The following NR6A1 variants were observed in gnomAD, a reference collection of about 807,000 sequenced individuals.
The protein encoded by NR6A1 is retinoic acid receptor-related testis-associated receptor.
In NR6A1, 7 loss-of-function variants were observed where a neutral mutation model predicts 59.1. The observed-to-expected ratio is 0.12, with a 90% CI of 0.07 to 0.22. The LOEUF is 0.22. NR6A1 is among the 10% of genes least tolerant of loss of function. NR6A1 has a pLI of 1.00. For missense variants in NR6A1, 468 were observed against 611.6 expected (o/e 0.77, Z 2.48); for synonymous variants, 243 against 236.1 (o/e 1.03, Z -0.27).
intron 1 of NR6A1, among the ~76,000 whole-genome samples, chr9:124,766,926 A>T (rs553125986): frequency 6.6e-6 from 1 of 152,230 alleles, no homozygotes; most frequent in East Asian, 1.9e-4. Flanking sequence ...CTTCCCACTA[A>T]CACAAATGAA....
At chr9:124,698,607 A>G (rs1191436775) in intron 2 of NR6A1, 1 of 152,190 alleles carries the variant, frequency 6.6e-6, no homozygotes, top group Non-Finnish European at 1.5e-5. Flanking sequence ...CATGGAGTAG[A>G]TAATAAATGT....
intron 2 of NR6A1, among the ~76,000 whole-genome samples, chr9:124,729,744 T>C (rs528794382): frequency 5.9e-5 from 9 of 152,260 alleles, no homozygotes; most frequent in African/African-American, 1.7e-4. Flanking sequence ...TATCACTTGG[T>C]AGGGCTGAAC....
At chr9:124,643,764 A>C (rs1199540540) in intron 2 of NR6A1, among the ~76,000 whole-genome samples, 2 of 149,698 alleles carry the variant, frequency 1.3e-5, no homozygotes, top group African/African-American at 5.1e-5. Flanking sequence ...AAAAAACAAA[A>C]AAAAAAAAAA....
At chr9:124,741,608 A>G (rs181445844) in intron 1 of NR6A1, among the ~76,000 whole-genome samples, 1 of 152,258 alleles carries the variant, frequency 6.6e-6, no homozygotes, top group Non-Finnish European at 1.5e-5. Flanking sequence ...TATGCTACGT[A>G]TATTTTACCA....
intron 2 of NR6A1, among the ~76,000 whole-genome samples, chr9:124,602,367 C>T (rs1835472077): frequency 6.6e-6 from 1 of 152,204 alleles, no homozygotes; most frequent in African/African-American, 2.4e-5. Context: ...TTACCTTCTT[C>T]TCAAGACCCA....
intron 7 of NR6A1, among the ~76,000 whole-genome samples, chr9:124,532,592 TCAGAACTAA>T (rs1200223231): frequency 6.6e-6 from 1 of 152,226 alleles, no homozygotes; most frequent in African/African-American, 2.4e-5. Context: ...GGCCATGGAA[TCAGAACTAA>T]CATGTTGAAG....
At chr9:124,767,735 T>C (rs1017291456) in intron 1 of NR6A1, among the ~76,000 whole-genome samples, 5 of 152,212 alleles carry the variant, frequency 3.3e-5, no homozygotes, top group African/African-American at 9.6e-5. Context: ...GGCATGGTTA[T>C]AGCAGAAGAA....
At position 124,759,827 on chromosome 9, in the gene NR6A1, A is replaced by G. The variant is rs551038099; in HGVS notation, c.100+11193T>C. ...GAGGCCAAGGCGGGTGGATCATGAGATCAGGAGTTCGAGACCAGCCTGGCC... is the reference window on the plus strand; with the variant it reads ...GAGGCCAAGGCGGGTGGATCATGAGGTCAGGAGTTCGAGACCAGCCTGGCC... On this transcript the variant is annotated intron_variant, in intron 1 of 9. Coordinates refer to ENST00000487099, the MANE Select transcript of NR6A1 (RefSeq NM_033334.4). Among the ~76,000 whole-genome samples the G allele has an allele frequency of 6.0e-4, 91 of 152,154 alleles. 1 individual carries two copies. The South Asian group carries it at 0.018, about 31-fold the overall frequency.
At chr9:124,560,317 T>C (rs1834048230) in intron 2 of NR6A1, among the ~76,000 whole-genome samples, 1 of 152,208 alleles carries the variant, frequency 6.6e-6, no homozygotes, top group African/African-American at 2.4e-5. Flanking sequence ...CCATTTTATC[T>C]TTATATAATA....
intron 2 of NR6A1, among the ~76,000 whole-genome samples, chr9:124,638,041 A>G (rs964387069): frequency 3.5e-4 from 53 of 152,070 alleles, no homozygotes; most frequent in African/African-American, 1.3e-3. Flanking sequence ...TGAGTCCAGG[A>G]GTTCTGGACC....
chr9:124,703,413 A>G (rs979452550), intron 2 of NR6A1, among the ~76,000 whole-genome samples: 1 of 147,678 alleles, frequency 6.8e-6, no homozygotes, highest in African/African-American at 2.5e-5. Context: ...GCTCTATGTT[A>G]CCCAGGCTGG....
chr9:124,703,422 G>A (rs532195436), intron 2 of NR6A1, among the ~76,000 whole-genome samples: 1 of 150,698 alleles, frequency 6.6e-6, no homozygotes, highest in Non-Finnish European at 1.5e-5. Flanking sequence ...TACCCAGGCT[G>A]GTCTTGAACT....
chr9:124,671,044 A>G (rs116657920), intron 2 of NR6A1, among the ~76,000 whole-genome samples: 1,526 of 152,364 alleles, frequency 0.01, 25 homozygotes, highest in African/African-American at 0.034. Flanking sequence ...TTCTACTTAT[A>G]TAAGATATCT....
At position 124,598,977 on chromosome 9, in the gene NR6A1, C is replaced by T. The variant is rs561834198; in HGVS notation, c.143-44407G>A. ...TTACCCACGTTGGGTTTCAGCTCCA[C>T]CATTGGCGTGTAGTGGTTGGCACAA... On this transcript the variant is annotated intron_variant, in intron 2 of 9. Transcript: ENST00000487099. 8 of 726,938 alleles carry T rather than the reference C, an allele frequency of 1.1e-5. No individual in the cohort carries two copies. The East Asian group carries it at 2.0e-4, about 19-fold the overall frequency. The allele number at this position is 726,938 out of a possible 1,614,324, so 45.0% of individuals were successfully genotyped here.
At chr9:124,652,351 G>A (rs1432427135) in intron 2 of NR6A1, among the ~76,000 whole-genome samples, 4 of 152,284 alleles carry the variant, frequency 2.6e-5, no homozygotes, top group African/African-American at 9.6e-5. Flanking sequence ...AAGGTGTAAT[G>A]AAGTTTCTCT....
At chr9:124,690,764 C>CTT (rs1564239359) in intron 2 of NR6A1, among the ~76,000 whole-genome samples, 3 of 152,056 alleles carry the variant, frequency 2.0e-5, no homozygotes, top group Non-Finnish European at 4.4e-5. Context: ...AGTATATAAA[C>CTT]CCCTTAGCCA....
intron 7 of NR6A1, among the ~76,000 whole-genome samples, chr9:124,527,388 C>T (rs551850924): frequency 1.3e-5 from 2 of 152,340 alleles, no homozygotes; most frequent in South Asian, 4.1e-4. Context: ...ATTGTATTTG[C>T]TTGTGTTAAC....
intron 2 of NR6A1, among the ~76,000 whole-genome samples, chr9:124,685,330 G>C (rs1162680406): frequency 6.6e-6 from 1 of 152,076 alleles, no homozygotes; most frequent in Non-Finnish European, 1.5e-5. Context: ...ACTTTTTCTG[G>C]GAGGAGTTGG....
At chr9:124,690,225 T>C (rs1838487512) in intron 2 of NR6A1, among the ~76,000 whole-genome samples, 1 of 152,216 alleles carries the variant, frequency 6.6e-6, no homozygotes, top group South Asian at 2.1e-4. Flanking sequence ...CAATTTTAGT[T>C]ATGTGCTGCT....
Sources: allele counts gnomAD v4.1 joint callset (sites outside exome capture counted in the v4.1 genomes callset), GRCh38; gene constraint gnomAD v4.1.1; transcripts MANE v1.5; gene names NCBI Gene and HGNC (gene_info 2026-07-23, HGNC 2026-07-21).